The following SUGCT variants were observed in gnomAD, a reference collection of about 807,000 sequenced individuals.
SUGCT encodes the protein succinyl-CoA:glutarate CoA-transferase.
SUGCT carries 41 observed loss-of-function variants against 55.0 expected under a neutral mutation model. The ratio of observed to expected loss-of-function variants is 0.74; its 90% CI spans 0.58 to 0.97. SUGCT has a LOEUF of 0.97. Ranked by LOEUF, SUGCT falls within the 50% of genes least tolerant of loss-of-function variation. SUGCT has a pLI of 0.00. For missense variants in SUGCT, 568 were observed against 547.8 expected, an observed-to-expected ratio of 1.04 and a Z score of -0.37; for synonymous variants, 187 against 200.4, an observed-to-expected ratio of 0.93 and a Z score of 0.56.
the SUGCT span, among the ~76,000 whole-genome samples, chr7:40,917,987 T>C: frequency 1.3e-5 from 2 of 152,064 alleles, no homozygotes; most frequent in African/African-American, 2.4e-5. Flanking sequence ...CTCATCCACA[T>C]CCTGAAGGCC....
intron 11 of SUGCT, among the ~76,000 whole-genome samples, chr7:40,485,936 T>C (rs2151496805): frequency 6.6e-6 from 1 of 152,322 alleles, no homozygotes; most frequent in Admixed American, 6.5e-5. Flanking sequence ...TTGAGGACTT[T>C]TGCATCTATG....
At chr7:40,810,532 T>C (rs1252084474) in intron 13 of SUGCT, among the ~76,000 whole-genome samples, 2 of 152,186 alleles carry the variant, frequency 1.3e-5, no homozygotes, top group African/African-American at 2.4e-5. Flanking sequence ...TGGAGCATTT[T>C]TTCATATGTT....
At chr7:40,757,103 T>A (rs1379484091) in intron 13 of SUGCT, among the ~76,000 whole-genome samples, 3 of 151,964 alleles carry the variant, frequency 2.0e-5, no homozygotes, top group Admixed American at 2.0e-4. Flanking sequence ...GTGCCTGGAG[T>A]CTTCTCTGGA....
At chr7:40,455,371 G>T (rs1172413594) in intron 10 of SUGCT, among the ~76,000 whole-genome samples, 1 of 152,088 alleles carries the variant, frequency 6.6e-6, no homozygotes, top group Non-Finnish European at 1.5e-5. Context: ...AATGTGAATG[G>T]TCTAAATATA....
intron 9 of SUGCT, among the ~76,000 whole-genome samples, chr7:40,421,374 G>C (rs1342009735): frequency 1.3e-5 from 2 of 152,064 alleles, no homozygotes; most frequent in Non-Finnish European, 2.9e-5. Flanking sequence ...TGCCTCATTA[G>C]CATTTGCACT....
At chr7:40,876,221 C>T in the SUGCT span, among the ~76,000 whole-genome samples, 1 of 152,140 alleles carries the variant, frequency 6.6e-6, no homozygotes, top group Non-Finnish European at 1.5e-5. Flanking sequence ...GACATTATCT[C>T]ACTACTCATA....
chr7:40,821,499 G>C (rs939853157), intron 13 of SUGCT, among the ~76,000 whole-genome samples: 6 of 152,180 alleles, frequency 3.9e-5, no homozygotes, highest in African/African-American at 1.4e-4. Flanking sequence ...TTGGGAGGGT[G>C]TATGTGTCCA....
chr7:40,418,033 CA>C, intron 9 of SUGCT, among the ~76,000 whole-genome samples: 1 of 152,278 alleles, frequency 6.6e-6, no homozygotes, highest in South Asian at 2.1e-4. Context: ...TGCCTTCAGA[CA>C]GATGTGTATG....
chr7:40,726,970 G>A (rs1786644169), intron 12 of SUGCT, among the ~76,000 whole-genome samples: 1 of 152,228 alleles, frequency 6.6e-6, no homozygotes, highest in South Asian at 2.1e-4. Flanking sequence ...AGAGTAGTGT[G>A]TGATTGAAAA....
In SUGCT at chr7:40,315,759, C is replaced by T. The variant is rs1219973901; in HGVS notation, c.721-1001C>T. On this transcript the variant is annotated intron_variant, in intron 8 of 13. Transcript: ENST00000335693. ...TTGTAGGTTTTCCAATCGCATCTGA[C>T]GATCTAGAAAGGGAAAAGCAAGCCG... 4.6e-5 allele frequency among the ~76,000 whole-genome samples: 7 copies of T among 152,098 alleles called. No individual in the cohort carries two copies. The South Asian group carries it at 6.2e-4, about 14-fold the overall frequency.
chr7:40,474,173 G>A (rs1301781590), intron 11 of SUGCT, among the ~76,000 whole-genome samples: 1 of 152,130 alleles, frequency 6.6e-6, no homozygotes, highest in African/African-American at 2.4e-5. Context: ...AAATGACACA[G>A]TTAATAGAAG....
At chr7:40,355,774 A>T (rs887791131) in intron 9 of SUGCT, among the ~76,000 whole-genome samples, 2 of 152,170 alleles carry the variant, frequency 1.3e-5, no homozygotes, top group Admixed American at 1.3e-4. Context: ...ATTGATTTCA[A>T]ATGTTTGTCT....
intron 13 of SUGCT, among the ~76,000 whole-genome samples, chr7:40,766,197 C>G (rs1273179315): frequency 2.0e-5 from 3 of 152,080 alleles, no homozygotes; most frequent in African/African-American, 7.2e-5. Context: ...TAACTAAATT[C>G]AACCTTAAAT....
chr7:40,602,628 C>T (rs1798348417), intron 12 of SUGCT, among the ~76,000 whole-genome samples: 1 of 152,196 alleles, frequency 6.6e-6, no homozygotes, highest in Admixed American at 6.5e-5. Context: ...TTGCTGTTTA[C>T]TCATATAGCC....
intron 9 of SUGCT, among the ~76,000 whole-genome samples, chr7:40,346,375 G>T (rs907355968): frequency 1.3e-5 from 2 of 151,878 alleles, no homozygotes; most frequent in African/African-American, 2.4e-5. Flanking sequence ...ACTAAAAAAA[G>T]TCTATTATAT....
At chr7:40,897,971 C>T in the SUGCT span, among the ~76,000 whole-genome samples, 1 of 152,166 alleles carries the variant, frequency 6.6e-6, no homozygotes, top group Non-Finnish European at 1.5e-5. Flanking sequence ...AGCAGGCCAC[C>T]TGCGCCAACA....
chr7:40,740,894 A>G (rs1787426674), intron 12 of SUGCT, among the ~76,000 whole-genome samples: 1 of 152,224 alleles, frequency 6.6e-6, no homozygotes. Flanking sequence ...TCAAAACATA[A>G]TACAAAATAA....
intron 13 of SUGCT, among the ~76,000 whole-genome samples, chr7:40,811,704 C>T (rs76081195): frequency 0.087 from 13,275 of 151,962 alleles, 675 homozygotes; most frequent in Middle Eastern, 0.17. Context: ...AGAATCATAC[C>T]GTCCTTAAAG....
the SUGCT span, among the ~76,000 whole-genome samples, chr7:40,978,379 T>C: frequency 9.1e-4 from 139 of 152,278 alleles, no homozygotes; most frequent in African/African-American, 2.9e-3. Flanking sequence ...ACAGCTTAAC[T>C]CTTGCCAATG....
Sources: allele counts gnomAD v4.1 joint callset (sites outside exome capture counted in the v4.1 genomes callset), GRCh38; gene constraint gnomAD v4.1.1; transcripts MANE v1.5; gene names NCBI Gene and HGNC (gene_info 2026-07-23, HGNC 2026-07-21).